The following IBTK variants were observed in gnomAD, a reference collection of about 807,000 sequenced individuals.
IBTK encodes the protein BTK-binding protein.
In IBTK, 83 loss-of-function variants were observed where a neutral mutation model predicts 154.9. The observed-to-expected ratio is 0.54, with a 90% CI of 0.45 to 0.64. IBTK has a LOEUF of 0.64. IBTK is among the 30% of genes least tolerant of loss of function. The pLI, the probability that IBTK is intolerant of heterozygous loss-of-function variation, is 0.00. For synonymous variants in IBTK, 515 were observed against 536.1 expected (o/e 0.96, Z 0.54); for missense variants, 1,332 against 1,584.6 (o/e 0.84, Z 2.71).
chr6:82,180,674 C>A (rs1449931056), intron 26 of IBTK, among the ~76,000 whole-genome samples: 1 of 152,134 alleles, frequency 6.6e-6, no homozygotes, highest in Non-Finnish European at 1.5e-5. Flanking sequence ...CAAGAACTTT[C>A]CGCCTAAATC....
In IBTK at chr6:82,223,516, C is replaced by T. The variant is rs1287484389; in HGVS notation, c.1048G>A (p.Gly350Arg). The change falls in exon 8 of 29, where the codon GGA (glycine) becomes AGA (arginine). Residue 350 changes from glycine (G) to arginine (R), a missense_variant. Transcript: ENST00000306270. ...IALSLVAASD[G>R]ATVCVTTRGD... is the part of the protein sequence containing the mutation. ...CTTGTGGTAACACAGACTGTAGCTC[C>T]ATCACTTGCAGCAACCAAAGACAGA... 1.9e-6 allele frequency: 3 copies of T among 1,614,082 alleles called. No homozygotes were observed. Among genetic ancestry groups the T allele is most frequent in the Non-Finnish European group, 2.5e-6 (3 of 1,179,924 alleles).
intron 11 of IBTK, 71 bp downstream of exon 11, chr6:82,216,005 C>A: frequency 8.9e-7 from 1 of 1,119,478 alleles, no homozygotes; most frequent in Non-Finnish European, 1.3e-6. Flanking sequence ...TTTGCACCAG[C>A]AGCTACTGAA....
At position 82,170,078 on chromosome 6, in the gene IBTK, AG is replaced by A. The variant is rs1767880127; in HGVS notation, c.*1346del. 1 of 152,264 alleles carries A rather than the reference AG, an allele frequency of 6.6e-6. No homozygotes were observed. The highest frequency in any genetic ancestry group is 2.1e-4 in the South Asian group (1 of 4,834). 9.4% of individuals were successfully genotyped at this position (152,264 alleles called of 1,614,324 possible). On this transcript the variant is annotated 3_prime_UTR_variant, in exon 29 of 29. Coordinates refer to ENST00000306270, the MANE Select transcript of IBTK (RefSeq NM_015525.4). ...TCAAACACACATACAAAAATTCACA[AG>A]TTCATATTTAGAAAACTGCCTTTTT... is the stretch of plus-strand genomic sequence containing the variant.
chr6:82,214,825 A>T lies in IBTK; in HGVS notation c.1606T>A (p.Tyr536Asn), dbSNP rs775743991. 1 of 1,545,948 alleles carries T rather than the reference A, an allele frequency of 6.5e-7. No individual in the cohort carries two copies. Among genetic ancestry groups the T allele is most frequent in the Non-Finnish European group, 8.7e-7 (1 of 1,147,578 alleles). Residue 536 changes from tyrosine to asparagine, a missense_variant, in exon 12 of 29, where the codon TAT (tyrosine) becomes AAT (asparagine). Around this residue, in one of 3 missense-constraint regions of IBTK, gnomAD observed 1,134 missense variants for 1,274.7 expected, o/e 0.89. Transcript: ENST00000306270. ...ILQSDPKTSLYEIPAVSSSSF... is the reference protein window; with the variant it reads ...ILQSDPKTSLNEIPAVSSSSF... ...GATGAGGACACAGCTGGAATTTCATAAAGGCTAGAAAGAAGACAAAAACAA... is the reference window on the plus strand; with the variant it reads ...GATGAGGACACAGCTGGAATTTCATTAAGGCTAGAAAGAAGACAAAAACAA...
In IBTK at chr6:82,240,697, A is replaced by G. The variant is rs1770911784; in HGVS notation, c.-211T>C. 2 of 498,794 alleles carry G rather than the reference A, an allele frequency of 4.0e-6. No homozygotes were observed. Among genetic ancestry groups the G allele is most frequent in the African/African-American group, 2.0e-5 (1 of 50,864 alleles). The allele number at this position is 498,794 out of a possible 1,614,324, so 30.9% of individuals were successfully genotyped here. On this transcript the variant is annotated 5_prime_UTR_variant, in exon 2 of 29. Coordinates refer to ENST00000306270, the MANE Select transcript of IBTK (RefSeq NM_015525.4). The stretch of plus-strand genomic sequence containing the variant: ...AAAAAAATTATAAATAGCTCTATAA[A>G]GTTCATATCAAATACAAGTTCTTCA...
intron 27 of IBTK, chr6:82,173,067 T>C: frequency 4.6e-6 from 1 of 219,018 alleles, no homozygotes; most frequent in Non-Finnish European, 8.8e-6. Context: ...AGTGGCATGA[T>C]CGCGGCTCAA....
At chr6:82,221,418 A>G (rs954248566) in intron 8 of IBTK, among the ~76,000 whole-genome samples, 1 of 152,218 alleles carries the variant, frequency 6.6e-6, no homozygotes, top group African/African-American at 2.4e-5. Context: ...TTAAACCTCA[A>G]AATTAAATAG....
rs145858593 is a variant in IBTK at position 82,219,164 on chromosome 6, G to A, written c.1249-1027C>T. 7.8e-3 allele frequency among the ~76,000 whole-genome samples: 1,177 copies of A among 151,504 alleles called. 21 individuals carry two copies. Among genetic ancestry groups the A allele is most frequent in the African/African-American group, 0.027 (1,124 of 41,262 alleles). On this transcript the variant is annotated intron_variant, in intron 9 of 28. Transcript: ENST00000306270. Reference sequence around the variant, plus strand: ...GTTCAGGGGTACATGTGCAGGATGTGTAGGTTTGTTACATAGGTAAACGTG... The same window carrying A: ...GTTCAGGGGTACATGTGCAGGATGTATAGGTTTGTTACATAGGTAAACGTG...
At chr6:82,223,097 T>A (rs1472540622) in intron 8 of IBTK, among the ~76,000 whole-genome samples, 2 of 152,004 alleles carry the variant, frequency 1.3e-5, no homozygotes, top group Admixed American at 1.3e-4. Context: ...TAAAAAAGGC[T>A]ATACAGGAAC....
intron 9 of IBTK, among the ~76,000 whole-genome samples, chr6:82,218,652 A>G (rs1440780325): frequency 6.6e-6 from 1 of 152,244 alleles, no homozygotes; most frequent in Non-Finnish European, 1.5e-5. Context: ...TGCAAACCTC[A>G]GAGTCCCTGA....
chr6:82,189,928 G>A (rs1012045705), intron 25 of IBTK, among the ~76,000 whole-genome samples: 1 of 152,142 alleles, frequency 6.6e-6, no homozygotes, highest in African/African-American at 2.4e-5. Flanking sequence ...TATTGCAGCA[G>A]TCATATCATA....
Position 82,200,258 on chromosome 6 carries a change from G to A in IBTK, c.2913-5C>T, listed in dbSNP as rs1375479396. ...GCTTTCTTGAACATAGTTTCCCTAG[G>A]AAAAAGCAAACATAATTTCAGCAGT... On this transcript the variant is annotated splice_polypyrimidine_tract_variant and splice_region_variant and intron_variant, in intron 20 of 28. Coordinates refer to ENST00000306270, the MANE Select transcript of IBTK (RefSeq NM_015525.4). The A allele has an allele frequency of 1.9e-6, 3 of 1,597,308 alleles. No homozygotes were observed. Among genetic ancestry groups the A allele is most frequent in the Middle Eastern group, 1.7e-4 (1 of 6,046 alleles).
chr6:82,186,359 C>T (rs542087099), intron 25 of IBTK, among the ~76,000 whole-genome samples: 4 of 152,270 alleles, frequency 2.6e-5, no homozygotes, highest in Admixed American at 2.0e-4. Flanking sequence ...GATCAGTCAG[C>T]AGTCATCAAC....
At position 82,214,278 on chromosome 6, in the gene IBTK, C is replaced by G. The variant is rs1472142688; in HGVS notation, c.2153G>C (p.Arg718Thr). 6 of 1,613,218 alleles carry G rather than the reference C, an allele frequency of 3.7e-6. No homozygotes were observed. In the South Asian group the frequency reaches 5.5e-5, roughly 15 times the overall value. The change falls in exon 12 of 29, where the codon AGA (arginine) becomes ACA (threonine). Residue 718 changes from arginine (R) to threonine (T), a missense_variant. Around this residue, in one of 3 missense-constraint regions of IBTK, gnomAD observed 1,134 missense variants for 1,274.7 expected, o/e 0.89. Transcript: ENST00000306270. ...TTTCTTTGCAACAGTTTGCAACATT[C>G]TTACAGGATCATCTTCCCTAATATT... The part of the protein sequence containing the change: ...GKNIREDDPV[R>T]MLQTVAKKFD...
chr6:82,199,866 G>A (rs1769135725), intron 21 of IBTK, among the ~76,000 whole-genome samples: 1 of 152,220 alleles, frequency 6.6e-6, no homozygotes, highest in South Asian at 2.1e-4. Flanking sequence ...TGCCCCCTTT[G>A]CTTAATATAC....
rs554827208 is a variant in IBTK, at chr6:82,215,150, G to A, written c.1602-321C>T. Reference sequence around the variant, plus strand: ...CCCAACCAACATTTCACCCTTCTCAGTAGGAAGACCAACCCTCCTGTGGTT... The same window carrying A: ...CCCAACCAACATTTCACCCTTCTCAATAGGAAGACCAACCCTCCTGTGGTT... On this transcript the variant is annotated intron_variant, in intron 11 of 28. Transcript: ENST00000306270. Among the ~76,000 whole-genome samples the A allele has an allele frequency of 4.9e-4, 74 of 152,240 alleles. 1 individual carries two copies. The highest frequency in any genetic ancestry group is 1.7e-3 in the African/African-American group (69 of 41,544).
chr6:82,236,624 T>C (rs1463047198), intron 2 of IBTK, among the ~76,000 whole-genome samples: 1 of 152,256 alleles, frequency 6.6e-6, no homozygotes, highest in Admixed American at 6.5e-5. Flanking sequence ...TAAGGTTTTA[T>C]ATCTTTGGCA....
Position 82,200,701 on chromosome 6 carries a change from G to T in IBTK, c.2798C>A (p.Ala933Glu). Residue 933 changes from alanine to glutamate, a missense_variant, in exon 20 of 29, where the codon GCA becomes GAA. Physicochemically the swap from Ala to Glu is moderately radical, Grantham distance 107. Transcript: ENST00000306270. Reference protein sequence around the residue: ...LSEFYRKMIPAMDRRVITPYQ... With the variant: ...LSEFYRKMIPEMDRRVITPYQ... ...TGGTGTAATGACTCTTCTATCCATTGCTGGAATCTGCAGAATTGAAGATAT... is the reference window on the plus strand; with the variant it reads ...TGGTGTAATGACTCTTCTATCCATTTCTGGAATCTGCAGAATTGAAGATAT... 6.4e-7 allele frequency: 1 copy of T among 1,555,330 alleles called. No homozygotes were observed.
At chr6:82,233,711 G>GTTT (rs375746607) in intron 3 of IBTK, among the ~76,000 whole-genome samples, 1,636 of 122,798 alleles carry the variant, frequency 0.013, 57 homozygotes, top group African/African-American at 0.039. Context: ...CATTTGTAAA[G>GTTT]TTTTTTTTTT....
Sources: allele counts gnomAD v4.1 joint callset (sites outside exome capture counted in the v4.1 genomes callset), GRCh38; gene constraint gnomAD v4.1.1; regional missense constraint gnomAD v4.1.1; transcripts MANE v1.5; gene names NCBI Gene and HGNC (gene_info 2026-07-23, HGNC 2026-07-21).